Variants in NXPE2 observed in about 807,000 individuals in gnomAD.
NXPE2 encodes the protein neurexophilin and PC-esterase domain family member 2.
Under a neutral mutation model 34.4 loss-of-function variants are expected in NXPE2, and 34 were observed. That is an observed-to-expected ratio of 0.99 (90% CI 0.75 to 1.31). The LOEUF (loss-of-function observed/expected upper bound fraction) is 1.31, where lower values mean the gene tolerates loss of function less well. NXPE2 is among the 40% of genes most tolerant of loss of function. The pLI is 0.00. For synonymous variants in NXPE2, 235 were observed against 231.3 expected, an observed-to-expected ratio of 1.02 and a Z score of -0.15; for missense variants, 649 against 672.5, an observed-to-expected ratio of 0.97 and a Z score of 0.39.
chr11:114,502,558 G>A, the NXPE2 span, among the ~76,000 whole-genome samples: 3 of 152,208 alleles, frequency 2.0e-5, no homozygotes, highest in East Asian at 5.8e-4. Context: ...CTATTTTAAT[G>A]ACTATATTTT....
chr11:114,761,360 A>C, the NXPE2 span, among the ~76,000 whole-genome samples: 4 of 152,058 alleles, frequency 2.6e-5, no homozygotes, highest in Non-Finnish European at 4.4e-5. Context: ...CAGAACAAGA[A>C]CCTACGATGG....
the NXPE2 span, among the ~76,000 whole-genome samples, chr11:114,577,101 T>C: frequency 7.4e-6 from 1 of 135,048 alleles, no homozygotes; most frequent in Non-Finnish European, 1.6e-5. Flanking sequence ...ATATATAAAG[T>C]TATATATATA....
the NXPE2 span, among the ~76,000 whole-genome samples, chr11:114,655,209 A>G: frequency 6.6e-6 from 1 of 152,176 alleles, no homozygotes; most frequent in African/African-American, 2.4e-5. Context: ...AGTTCCTTGT[A>G]AATGCTGGAT....
At chr11:114,504,087 C>T in the NXPE2 span, among the ~76,000 whole-genome samples, 1 of 152,228 alleles carries the variant, frequency 6.6e-6, no homozygotes, top group Non-Finnish European at 1.5e-5. Flanking sequence ...ACTGCAGCTT[C>T]CCCTGAGCCC....
the NXPE2 span, among the ~76,000 whole-genome samples, chr11:114,545,665 T>G: frequency 6.6e-6 from 1 of 152,148 alleles, no homozygotes. Context: ...AAAAGCTCAT[T>G]GAATCTTATA....
the NXPE2 span, among the ~76,000 whole-genome samples, chr11:114,650,154 C>T: frequency 6.6e-6 from 1 of 152,046 alleles, no homozygotes; most frequent in Non-Finnish European, 1.5e-5. Flanking sequence ...GACCAAATGG[C>T]CGGAATTCTA....
the NXPE2 span, among the ~76,000 whole-genome samples, chr11:114,466,101 C>G: frequency 2.9e-3 from 444 of 152,182 alleles, 1 homozygote; most frequent in Middle Eastern, 0.01. Context: ...TATAATACTG[C>G]TGCATTAGAC....
chr11:114,631,998 GCTA>G, the NXPE2 span, among the ~76,000 whole-genome samples: 1 of 148,082 alleles, frequency 6.8e-6, no homozygotes, highest in African/African-American at 2.5e-5. Context: ...ATAGGTAACA[GCTA>G]CTATTACCTA....
At chr11:114,491,458 G>A in the NXPE2 span, among the ~76,000 whole-genome samples, 1 of 152,120 alleles carries the variant, frequency 6.6e-6, no homozygotes, top group Non-Finnish European at 1.5e-5. Flanking sequence ...ACCACAATGA[G>A]ATACCATCTC....
the NXPE2 span, among the ~76,000 whole-genome samples, chr11:114,810,162 C>T: frequency 6.9e-6 from 1 of 144,950 alleles, no homozygotes; most frequent in African/African-American, 2.5e-5. Context: ...AACTGGATCC[C>T]TTCCTTACAC....
chr11:114,615,520 C>G, the NXPE2 span, among the ~76,000 whole-genome samples: 1 of 147,252 alleles, frequency 6.8e-6, no homozygotes, highest in African/African-American at 2.5e-5. Flanking sequence ...TGTTGCCTCA[C>G]AGGTAACCAC....
the NXPE2 span, among the ~76,000 whole-genome samples, chr11:114,640,685 A>G: frequency 1.4e-4 from 22 of 151,874 alleles, no homozygotes; most frequent in African/African-American, 5.3e-4. Flanking sequence ...TATGCTTTTA[A>G]TTTCCATTTC....
chr11:114,568,798 G>A, the NXPE2 span, among the ~76,000 whole-genome samples: 2 of 152,074 alleles, frequency 1.3e-5, no homozygotes, highest in Non-Finnish European at 2.9e-5. Flanking sequence ...CCCTATCACT[G>A]ATGTGATATG....
At chr11:114,586,431 C>T in the NXPE2 span, among the ~76,000 whole-genome samples, 2 of 152,186 alleles carry the variant, frequency 1.3e-5, no homozygotes, top group African/African-American at 2.4e-5. Context: ...AGGCCTTCTG[C>T]TCTCCATTTA....
the NXPE2 span, chr11:114,530,157 C>A: frequency 1.3e-6 from 2 of 1,574,412 alleles, no homozygotes; most frequent in African/African-American, 1.4e-5. Context: ...TCTCAGTATA[C>A]ATGAAAAGTA....
the NXPE2 span, among the ~76,000 whole-genome samples, chr11:114,632,934 A>G: frequency 6.1e-5 from 6 of 97,700 alleles, no homozygotes; most frequent in Non-Finnish European, 9.0e-5. Context: ...ATTATATAAT[A>G]ATATATATTA....
chr11:114,619,845 C>G, the NXPE2 span, among the ~76,000 whole-genome samples: 1 of 151,648 alleles, frequency 6.6e-6, no homozygotes, highest in African/African-American at 2.4e-5. Flanking sequence ...CGTTGGTAAC[C>G]AGTGTTACCC....
the NXPE2 span, among the ~76,000 whole-genome samples, chr11:114,496,208 C>T: frequency 1.3e-5 from 2 of 152,154 alleles, no homozygotes; most frequent in Non-Finnish European, 2.9e-5. Context: ...CTGGGATGGA[C>T]AACTTGCCTC....
At chr11:114,786,196 G>A in the NXPE2 span, among the ~76,000 whole-genome samples, 10 of 152,264 alleles carry the variant, frequency 6.6e-5, no homozygotes, top group South Asian at 2.1e-4. Flanking sequence ...GCTGATCCCC[G>A]CAGCAGCAGT....
Sources: allele counts gnomAD v4.1 joint callset (sites outside exome capture counted in the v4.1 genomes callset), GRCh38; gene constraint gnomAD v4.1.1; transcripts MANE v1.5; gene names NCBI Gene and HGNC (gene_info 2026-07-23, HGNC 2026-07-21).